Variants in SOS2 observed in about 807,000 individuals in gnomAD.
SOS2 encodes SOS Ras/Rho guanine nucleotide exchange factor 2, also known as son of sevenless homolog 2.
Under a neutral mutation model 148.2 loss-of-function variants are expected in SOS2, and 65 were observed. The observed-to-expected ratio is 0.44, with a 90% CI of 0.36 to 0.54. SOS2 has a LOEUF of 0.54. Ranked by LOEUF, SOS2 falls within the 20% of genes least tolerant of loss-of-function variation. The pLI is 0.00. For missense variants in SOS2, 1,341 were observed against 1,590.2 expected, an observed-to-expected ratio of 0.84 and a Z score of 2.67; for synonymous variants, 539 against 537.1, an observed-to-expected ratio of 1.00 and a Z score of -0.05.
intron 20 of SOS2, 26 bp from the exon 21 acceptor site, chr14:50,130,028 GA>G: frequency 6.7e-7 from 1 of 1,481,926 alleles, no homozygotes; most frequent in Non-Finnish European, 9.4e-7. Context: ...AAATTAATTT[GA>G]AAAGGAAGGT....
chr14:50,147,720 T>A (rs910427229), intron 14 of SOS2, among the ~76,000 whole-genome samples: 1 of 152,240 alleles, frequency 6.6e-6, no homozygotes, highest in Admixed American at 6.5e-5. Flanking sequence ...TTGTTGTTCA[T>A]GAATATTCAT....
intron 1 of SOS2, among the ~76,000 whole-genome samples, chr14:50,211,299 T>C (rs764894519): frequency 6.6e-6 from 1 of 152,234 alleles, no homozygotes; most frequent in Non-Finnish European, 1.5e-5. Flanking sequence ...CTGTTTCTTC[T>C]TACTTTTCAA....
intron 8 of SOS2, among the ~76,000 whole-genome samples, chr14:50,164,265 C>A (rs1566833247): frequency 6.6e-6 from 1 of 151,916 alleles, no homozygotes. Flanking sequence ...CACGGAGAAA[C>A]CTTGTCTCTA....
intron 21 of SOS2, among the ~76,000 whole-genome samples, chr14:50,125,783 G>C (rs575796753): frequency 1.3e-5 from 2 of 152,250 alleles, no homozygotes; most frequent in East Asian, 3.9e-4. Context: ...ACTTAGTGAG[G>C]CCAGGCAATG....
At chr14:50,166,931 G>C (rs948665565) in intron 8 of SOS2, among the ~76,000 whole-genome samples, 18 of 152,134 alleles carry the variant, frequency 1.2e-4, no homozygotes, top group African/African-American at 3.6e-4. Flanking sequence ...GACTAGGCTG[G>C]GCACACGGGC....
intron 7 of SOS2, among the ~76,000 whole-genome samples, chr14:50,175,861 C>A (rs1272746454): frequency 6.6e-6 from 1 of 152,152 alleles, no homozygotes; most frequent in Non-Finnish European, 1.5e-5. Flanking sequence ...CCATAATTTT[C>A]ACATTTTGTT....
At chr14:50,148,673 A>T (rs965658727) in intron 14 of SOS2, among the ~76,000 whole-genome samples, 5 of 152,182 alleles carry the variant, frequency 3.3e-5, no homozygotes, top group African/African-American at 1.2e-4. Context: ...AATATAACAT[A>T]ACATTTTGAG....
chr14:50,155,685 C>T (rs547809507), intron 12 of SOS2, among the ~76,000 whole-genome samples: 58 of 152,252 alleles, frequency 3.8e-4, no homozygotes, highest in African/African-American at 1.3e-3. Flanking sequence ...AATATCATGA[C>T]AGTCTATGTT....
At chr14:50,219,560 G>A (rs1353141830) in intron 1 of SOS2, among the ~76,000 whole-genome samples, 1 of 152,172 alleles carries the variant, frequency 6.6e-6, no homozygotes, top group Non-Finnish European at 1.5e-5. Flanking sequence ...TTACAGTCAA[G>A]AGGAAATTTA....
At chr14:50,178,185 T>C (rs544573020) in intron 7 of SOS2, among the ~76,000 whole-genome samples, 1 of 152,268 alleles carries the variant, frequency 6.6e-6, no homozygotes, top group East Asian at 1.9e-4. Context: ...ATTTTGGAGG[T>C]GGGGCCTAGT....
intron 7 of SOS2, among the ~76,000 whole-genome samples, chr14:50,179,403 G>A (rs1337642283): frequency 1.3e-5 from 2 of 151,334 alleles, no homozygotes; most frequent in African/African-American, 4.9e-5. Context: ...TATTTTTTTT[G>A]AGACTGGGTC....
rs562654468 is a variant in SOS2 at position 50,215,280 on chromosome 14, T to G, written c.88-10871A>C. 8.5e-5 allele frequency: 56 copies of G among 658,506 alleles called. No homozygotes were observed. The African/African-American group carries it at 9.7e-4, about 11-fold the overall frequency. 40.8% of individuals were successfully genotyped at this position (658,506 alleles called of 1,614,324 possible). A position where few individuals can be genotyped will look rare whatever the true frequency, so the allele number is the denominator to read the frequency against. ...TTTGTTAAATAAGCTACAAAGCAAT[T>G]TGAACATCAAGCATCAAAGTTTCTT... On this transcript the variant is annotated intron_variant, in intron 1 of 22. Coordinates refer to ENST00000216373, the MANE Select transcript of SOS2 (RefSeq NM_006939.4).
rs555584129 is a variant in SOS2, at chr14:50,141,344, G to A, written c.2668-1285C>T. Among the ~76,000 whole-genome samples, 7 of 150,864 alleles carry A rather than the reference G, an allele frequency of 4.6e-5. No individual in the cohort carries two copies. In the East Asian group the frequency reaches 5.9e-4, roughly 13 times the overall value. ...AAACCAGTCTGCGCAACATAGCAAC[G>A]CCCAATCTCCACATAAAATTTAAAA... is the stretch of plus-strand genomic sequence containing the variant. On this transcript the variant is annotated intron_variant, in intron 16 of 22. Coordinates refer to ENST00000216373, the MANE Select transcript of SOS2 (RefSeq NM_006939.4).
chr14:50,123,361 A>G (rs112932540), intron 21 of SOS2, among the ~76,000 whole-genome samples: 4 of 144,766 alleles, frequency 2.8e-5, no homozygotes, highest in African/African-American at 1.0e-4. Flanking sequence ...TGTGAGTGAG[A>G]TGGAAAGCCA....
In SOS2 at chr14:50,159,538, TC is replaced by T; in HGVS notation, c.1744del (p.Glu582LysfsTer23). The T allele has an allele frequency of 1.9e-6, 3 of 1,613,832 alleles. No individual in the cohort carries two copies. Among genetic ancestry groups the T allele is most frequent in the Non-Finnish European group, 2.5e-6 (3 of 1,179,748 alleles). ...VYRFVVKDSE[E>X]NIVFEDNLQS... The stretch of plus-strand genomic sequence containing the variant: ...CAAGTTGTCTTCAAAAACAATGTTT[TC>T]CTCAGAGTCTTTTACTACAAAACGA... On this transcript the variant is annotated frameshift_variant, in exon 10 of 23. Coordinates refer to ENST00000216373, the MANE Select transcript of SOS2 (RefSeq NM_006939.4). LOFTEE classifies it high-confidence loss of function.
chr14:50,219,030 T>C (rs994959271), intron 1 of SOS2, among the ~76,000 whole-genome samples: 2 of 151,958 alleles, frequency 1.3e-5, no homozygotes, highest in Middle Eastern at 3.2e-3. Context: ...GGAGAATCAC[T>C]TGAACCCGGG....
At chr14:50,198,940 G>C (rs1472372478) in intron 4 of SOS2, among the ~76,000 whole-genome samples, 1 of 152,202 alleles carries the variant, frequency 6.6e-6, no homozygotes, top group African/African-American at 2.4e-5. Flanking sequence ...AAGCACTTGA[G>C]CTCAGGAGTT....
At chr14:50,156,243 T>C (rs1884813799) in intron 12 of SOS2, 1 of 146,682 alleles carries the variant, frequency 6.8e-6, no homozygotes, top group Admixed American at 6.9e-5. Flanking sequence ...CAATTTTCAA[T>C]GCTTAGTGGT....
At chr14:50,156,129 A>C (rs1284352636) in intron 12 of SOS2, 1 of 152,116 alleles carries the variant, frequency 6.6e-6, no homozygotes, top group East Asian at 1.9e-4. Context: ...GAGAAAAAAA[A>C]TTTAAATTAC....
Sources: allele counts gnomAD v4.1 joint callset (sites outside exome capture counted in the v4.1 genomes callset), GRCh38; gene constraint gnomAD v4.1.1; transcripts MANE v1.5; gene names NCBI Gene and HGNC (gene_info 2026-07-23, HGNC 2026-07-21).